The following PIAS2 variants were observed in gnomAD, a reference collection of about 807,000 sequenced individuals.
The protein encoded by PIAS2 is protein inhibitor of activated STAT 2, also known as E3 SUMO-protein ligase PIAS2.
PIAS2 carries 19 observed loss-of-function variants against 69.7 expected under a neutral mutation model. The ratio of observed to expected loss-of-function variants is 0.27; its 90% CI spans 0.19 to 0.40. The LOEUF (loss-of-function observed/expected upper bound fraction) is 0.40. Ranked by LOEUF, PIAS2 falls within the 10% of genes least tolerant of loss-of-function variation. PIAS2 has a pLI of 1.00. For missense variants in PIAS2, 624 were observed against 757.0 expected (o/e 0.82, Z 2.06); for synonymous variants, 261 against 263.2 (o/e 0.99, Z 0.08).
At chr18:46,817,726 TA>T in intron 12 of PIAS2, 1 of 940,884 alleles carries the variant, frequency 1.1e-6, no homozygotes, top group Non-Finnish European at 1.3e-6. Flanking sequence ...CTGTTTAATG[TA>T]AATATTTCTC....
At chr18:46,822,633 G>C (rs1323256847) in intron 11 of PIAS2, among the ~76,000 whole-genome samples, 3 of 152,086 alleles carry the variant, frequency 2.0e-5, no homozygotes, top group Non-Finnish European at 4.4e-5. Flanking sequence ...ATCTTTTCTG[G>C]AGGTTTGAAA....
At position 46,855,315 on chromosome 18, in the gene PIAS2, T is replaced by C. The variant is rs144709333; in HGVS notation, c.726+30A>G. 1.3e-3 allele frequency: 1,814 copies of C among 1,405,202 alleles called. 20 individuals are homozygous for C. The African/African-American group carries it at 0.022, about 17-fold the overall frequency. 87.0% of individuals were successfully genotyped at this position (1,405,202 alleles called of 1,614,324 possible). ...TGTCAGTGTTTATATTAAACTTATATGCAAATCTGGTGAATAAAAAGCAAC... is the reference window on the plus strand; with the variant it reads ...TGTCAGTGTTTATATTAAACTTATACGCAAATCTGGTGAATAAAAAGCAAC... On this transcript the variant is annotated intron_variant, in intron 5 of 13. Coordinates refer to ENST00000585916, the MANE Select transcript of PIAS2 (RefSeq NM_004671.5).
intron 2 of PIAS2, among the ~76,000 whole-genome samples, chr18:46,877,375 T>C (rs1000637567): frequency 3.9e-5 from 6 of 152,220 alleles, no homozygotes; most frequent in Admixed American, 1.3e-4. Flanking sequence ...TCAACTTCCT[T>C]GTCTCTTCTT....
rs2040700895 is a variant in PIAS2, at chr18:46,806,598, TG to T, written c.*5834del. On this transcript the variant is annotated 3_prime_UTR_variant, in exon 14 of 14. Coordinates refer to ENST00000585916, the MANE Select transcript of PIAS2 (RefSeq NM_004671.5). ...CTCAAACTCCTGGCCTCAAGTGATT[TG>T]CCTGCCTTGGCTTCCCAAAGTGCTG... 1 of 151,972 alleles carries T rather than the reference TG, an allele frequency of 6.6e-6. No homozygotes were observed. Among genetic ancestry groups the T allele is most frequent in the Non-Finnish European group, 1.5e-5 (1 of 68,006 alleles). The allele number at this position is 151,972 out of a possible 1,614,324, so 9.4% of individuals were successfully genotyped here.
intron 6 of PIAS2, among the ~76,000 whole-genome samples, chr18:46,845,820 G>T (rs1286790899): frequency 6.6e-6 from 1 of 152,100 alleles, no homozygotes; most frequent in Non-Finnish European, 1.5e-5. Context: ...ATAAGGAAGA[G>T]TATTATCCCC....
intron 2 of PIAS2, among the ~76,000 whole-genome samples, chr18:46,880,392 A>AG (rs2052027466): frequency 6.6e-6 from 1 of 152,134 alleles, no homozygotes; most frequent in Non-Finnish European, 1.5e-5. Flanking sequence ...CTCAAAAAAA[A>AG]CAAAACAAAA....
intron 2 of PIAS2, among the ~76,000 whole-genome samples, chr18:46,877,761 C>A (rs1256440483): frequency 6.6e-6 from 1 of 152,196 alleles, no homozygotes; most frequent in African/African-American, 2.4e-5. Flanking sequence ...TGTGCTCTCG[C>A]AGTGGCCAAA....
At chr18:46,852,094 C>T (rs1322336127) in intron 5 of PIAS2, among the ~76,000 whole-genome samples, 1 of 152,222 alleles carries the variant, frequency 6.6e-6, no homozygotes, top group Non-Finnish European at 1.5e-5. Flanking sequence ...AGGGCCACAG[C>T]AGCTTTCTTC....
intron 11 of PIAS2, among the ~76,000 whole-genome samples, chr18:46,824,188 G>A (rs1393355901): frequency 6.6e-6 from 1 of 152,168 alleles, no homozygotes; most frequent in African/African-American, 2.4e-5. Flanking sequence ...ATTATATGCT[G>A]GATCAGAGAA....
intron 1 of PIAS2, among the ~76,000 whole-genome samples, chr18:46,911,628 T>C (rs2057277840): frequency 6.6e-6 from 1 of 152,224 alleles, no homozygotes; most frequent in South Asian, 2.1e-4. Flanking sequence ...ACATACATAT[T>C]TAAAAGAGTG....
Position 46,805,291 on chromosome 18 carries a change from A to G in PIAS2, c.*7142T>C, listed in dbSNP as rs2040635003. 1 of 152,264 alleles carries G rather than the reference A, an allele frequency of 6.6e-6. No individual in the cohort carries two copies. The allele number at this position is 152,264 out of a possible 1,614,324, so 9.4% of individuals were successfully genotyped here. ...AAGAGGAAAACAGAAAGCGTGGTTC[A>G]GTAGACGAAAATGCTGGAGGTAAAG... is the stretch of plus-strand genomic sequence containing the variant. On this transcript the variant is annotated 3_prime_UTR_variant, in exon 14 of 14. Transcript: ENST00000585916.
chr18:46,887,900 C>T (rs916635080), intron 2 of PIAS2, among the ~76,000 whole-genome samples: 5 of 152,066 alleles, frequency 3.3e-5, no homozygotes, highest in Non-Finnish European at 7.4e-5. Flanking sequence ...AAAAGGCATA[C>T]AAACAGAAAA....
At chr18:46,885,346 G>A (rs1025534853) in intron 2 of PIAS2, among the ~76,000 whole-genome samples, 5 of 151,720 alleles carry the variant, frequency 3.3e-5, no homozygotes, top group Admixed American at 2.6e-4. Context: ...GTGAAACCCC[G>A]TCTCTATTAA....
rs1258262516 is a variant in PIAS2 at position 46,810,312 on chromosome 18, TG to T, written c.*2120del. Reference sequence around the variant, plus strand: ...CTTTATAAAACTTTGTTGATTAAATTGGGGGAGTCTCTGACAATCTAAAGGG... The same window carrying T: ...CTTTATAAAACTTTGTTGATTAAATTGGGGAGTCTCTGACAATCTAAAGGG... On this transcript the variant is annotated 3_prime_UTR_variant, in exon 14 of 14. Transcript: ENST00000585916. 6.6e-6 allele frequency: 1 copy of T among 152,168 alleles called. No homozygotes were observed. The highest frequency in any genetic ancestry group is 1.5e-5 in the Non-Finnish European group (1 of 68,026). 9.4% of individuals were successfully genotyped at this position (152,168 alleles called of 1,614,324 possible).
At chr18:46,889,107 G>T (rs182075843) in intron 2 of PIAS2, among the ~76,000 whole-genome samples, 1 of 152,114 alleles carries the variant, frequency 6.6e-6, no homozygotes, top group Non-Finnish European at 1.5e-5. Flanking sequence ...AGGCTTAAAT[G>T]TAAGACCTAA....
chr18:46,903,831 G>C (rs1029042058), intron 1 of PIAS2, among the ~76,000 whole-genome samples: 3 of 152,096 alleles, frequency 2.0e-5, no homozygotes, highest in African/African-American at 7.2e-5. Context: ...CCCTCAACAG[G>C]TGAATGGTTA....
At chr18:46,831,304 G>A (rs2043583164) in intron 9 of PIAS2, among the ~76,000 whole-genome samples, 1 of 151,888 alleles carries the variant, frequency 6.6e-6, no homozygotes, top group Admixed American at 6.6e-5. Flanking sequence ...AAATATTTAG[G>A]AATAAACTTG....
At chr18:46,911,459 G>A (rs906172364) in intron 1 of PIAS2, among the ~76,000 whole-genome samples, 10 of 151,950 alleles carry the variant, frequency 6.6e-5, no homozygotes, top group East Asian at 1.9e-4. Context: ...GAGGCGATCC[G>A]CCTGCCTGGG....
chr18:46,827,054 A>G (rs903363564), intron 11 of PIAS2: 1 of 152,168 alleles, frequency 6.6e-6, no homozygotes, highest in Non-Finnish European at 1.5e-5. Context: ...GCACAGCTCT[A>G]TGTATTTACT....
Sources: allele counts gnomAD v4.1 joint callset (sites outside exome capture counted in the v4.1 genomes callset), GRCh38; gene constraint gnomAD v4.1.1; transcripts MANE v1.5; gene names NCBI Gene and HGNC (gene_info 2026-07-23, HGNC 2026-07-21).